VAV3: variants seen among roughly 807,000 people sequenced by gnomAD.
VAV3 encodes guanine nucleotide exchange factor VAV3.
Under a neutral mutation model 131.2 loss-of-function variants are expected in VAV3, and 94 were observed. The observed-to-expected ratio is 0.72, with a 90% CI of 0.61 to 0.85. The LOEUF (loss-of-function observed/expected upper bound fraction) is 0.85. VAV3 is among the 40% of genes least tolerant of loss of function. The pLI, the probability that VAV3 is intolerant of heterozygous loss-of-function variation, is 0.00. For synonymous variants in VAV3, 349 were observed against 342.0 expected (o/e 1.02, Z -0.22); for missense variants, 939 against 1,002.7 (o/e 0.94, Z 0.86).
chr1:107,926,322 G>A (rs771416516), intron 1 of VAV3, among the ~76,000 whole-genome samples: 3 of 151,956 alleles, frequency 2.0e-5, no homozygotes, highest in Admixed American at 6.6e-5. Context: ...TCAACAAGGG[G>A]CTCCCATTGG....
At chr1:107,871,336 CT>C (rs533766112) in intron 2 of VAV3, among the ~76,000 whole-genome samples, 288 of 151,654 alleles carry the variant, frequency 1.9e-3, no homozygotes, top group African/African-American at 6.5e-3. Flanking sequence ...CATTCCCCCC[CT>C]CTCCCCCCAC....
intron 19 of VAV3, among the ~76,000 whole-genome samples, chr1:107,646,778 A>T (rs1655769857): frequency 6.6e-6 from 1 of 152,034 alleles, no homozygotes; most frequent in Non-Finnish European, 1.5e-5. Context: ...TATTAAAAGG[A>T]TAGTTACACT....
intron 2 of VAV3, among the ~76,000 whole-genome samples, chr1:107,793,210 G>T (rs1666378010): frequency 6.6e-6 from 1 of 152,078 alleles, no homozygotes; most frequent in African/African-American, 2.4e-5. Context: ...CTTGCCCATG[G>T]TCACTGAGGC....
intron 25 of VAV3, among the ~76,000 whole-genome samples, chr1:107,574,963 C>CTCTCTGTGTGTGTGTGTGTGTGTGTGTG (rs1304869776): frequency 8.6e-5 from 7 of 81,114 alleles, no homozygotes; most frequent in African/African-American, 2.7e-4. Context: ...TTGAGTTTCT[C>CTCTCTGTGTGTGTGTGTGTGTGTGTGTG]TGTGTGTGTG....
chr1:107,620,755 G>A (rs79108654), intron 20 of VAV3, among the ~76,000 whole-genome samples: 20,854 of 152,080 alleles, frequency 0.14, 1,519 homozygotes, highest in Non-Finnish European at 0.16. Context: ...GAGAAAAGAG[G>A]ATGAGAACCC....
At chr1:107,728,600 C>CGTATATGTATACGTATATGTATAT in intron 15 of VAV3, among the ~76,000 whole-genome samples, 1 of 136,960 alleles carries the variant, frequency 7.3e-6, no homozygotes, top group East Asian at 2.2e-4. Flanking sequence ...TATACGTATA[C>CGTATATGTATACGTATATGTATAT]GTATATGTAT....
At chr1:107,744,704 C>T (rs1458316478) in intron 15 of VAV3, among the ~76,000 whole-genome samples, 2 of 152,062 alleles carry the variant, frequency 1.3e-5, no homozygotes, top group African/African-American at 4.8e-5. Context: ...TTAACTTATT[C>T]CTGGGACATT....
At chr1:107,748,870 C>A (rs1339666500) in intron 15 of VAV3, 98 bp downstream of exon 15, 23 of 916,384 alleles carry the variant, frequency 2.5e-5, no homozygotes, top group Admixed American at 5.8e-5. Context: ...ACACATTATA[C>A]ATGCTACAAG....
At chr1:107,841,981 T>C (rs1386437352) in intron 2 of VAV3, among the ~76,000 whole-genome samples, 6 of 152,216 alleles carry the variant, frequency 3.9e-5, no homozygotes, top group Non-Finnish European at 8.8e-5. Context: ...CTTGCATTTA[T>C]GGCTCTCATA....
intron 1 of VAV3, among the ~76,000 whole-genome samples, chr1:107,878,814 G>C (rs931811376): frequency 6.6e-6 from 1 of 152,166 alleles, no homozygotes; most frequent in Non-Finnish European, 1.5e-5. Flanking sequence ...GTGGTACCAT[G>C]TGGCTGTCCT....
intron 24 of VAV3, among the ~76,000 whole-genome samples, chr1:107,598,018 A>G (rs1366568269): frequency 6.6e-6 from 1 of 152,196 alleles, no homozygotes; most frequent in Non-Finnish European, 1.5e-5. Context: ...TGTGCTCTTA[A>G]CTGTATCATA....
chr1:107,698,881 T>C (rs1659905810), intron 17 of VAV3, among the ~76,000 whole-genome samples: 1 of 152,132 alleles, frequency 6.6e-6, no homozygotes, highest in Non-Finnish European at 1.5e-5. Flanking sequence ...TCAGATCTCC[T>C]GAGAACTTAT....
intron 20 of VAV3, among the ~76,000 whole-genome samples, chr1:107,635,461 G>A (rs1190710321): frequency 7.5e-5 from 9 of 119,846 alleles, no homozygotes; most frequent in Admixed American, 6.1e-4. Context: ...CACACACTGG[G>A]GCCTGTTGTG....
chr1:107,911,643 G>C (rs1317739301), intron 1 of VAV3, among the ~76,000 whole-genome samples: 1 of 152,122 alleles, frequency 6.6e-6, no homozygotes, highest in African/African-American at 2.4e-5. Flanking sequence ...TGGGAAAATG[G>C]GCCACCATAG....
At chr1:107,699,817 T>C (rs1247191604) in intron 17 of VAV3, among the ~76,000 whole-genome samples, 4 of 152,066 alleles carry the variant, frequency 2.6e-5, no homozygotes, top group Non-Finnish European at 5.9e-5. Flanking sequence ...CAATTTCAAA[T>C]ACAGCATGGA....
At chr1:107,953,619 G>A (rs762269610) in intron 1 of VAV3, among the ~76,000 whole-genome samples, 7 of 152,188 alleles carry the variant, frequency 4.6e-5, no homozygotes, top group African/African-American at 1.7e-4. Context: ...CAGAGGCAAA[G>A]AGAAGGAAAC....
chr1:107,814,268 A>G (rs1372546877), intron 2 of VAV3, among the ~76,000 whole-genome samples: 1 of 152,104 alleles, frequency 6.6e-6, no homozygotes, highest in Non-Finnish European at 1.5e-5. Context: ...ATTACCACCA[A>G]CAGTGTATAA....
intron 2 of VAV3, among the ~76,000 whole-genome samples, chr1:107,792,799 C>A (rs1666359856): frequency 6.6e-6 from 1 of 152,054 alleles, no homozygotes; most frequent in South Asian, 2.1e-4. Context: ...GTTAACACAA[C>A]CAGACTCAGA....
At chr1:107,918,421 G>A (rs999222575) in intron 1 of VAV3, among the ~76,000 whole-genome samples, 2 of 152,054 alleles carry the variant, frequency 1.3e-5, no homozygotes, top group Non-Finnish European at 2.9e-5. Flanking sequence ...AACTCTCTCA[G>A]AGTATTTAAT....
Sources: gnomAD v4.1 joint callset for allele counts (sites outside exome capture counted in the v4.1 genomes callset) on GRCh38, gnomAD v4.1.1 for gene constraint, MANE v1.5 for transcripts, NCBI Gene and HGNC (gene_info 2026-07-23, HGNC 2026-07-21) for gene names.